CSN1S1: variants seen among roughly 807,000 people sequenced by gnomAD.
CSN1S1 encodes the protein alpha-S1-casein.
In CSN1S1, 63 loss-of-function variants were observed where a neutral mutation model predicts 49.1. The observed-to-expected ratio is 1.28, with a 90% CI of 1.05 to 1.58. CSN1S1 has a LOEUF of 1.58. Among genes scored for constraint, CSN1S1 ranks in the 40% most tolerant of loss-of-function variants. The pLI is 0.00. For missense variants in CSN1S1, 260 were observed against 224.7 expected (o/e 1.16, Z -1.01); for synonymous variants, 78 against 67.1 (o/e 1.16, Z -0.79).
rs1393251012 is a variant in CSN1S1, at chr4:69,944,889, G to A, written c.442G>A (p.Ala148Thr). The change falls in exon 15 of 16, where the codon GCT becomes ACT. Residue 148 changes from alanine (A) to threonine (T), a missense_variant. Physicochemically the swap from Ala to Thr is moderately conservative, Grantham distance 58. Coordinates refer to ENST00000246891, the MANE Select transcript of CSN1S1 (RefSeq NM_001890.2). ...QLNQLAAYPY[A>T]VWYYPQIMQY... ...CAACCAACTTGCTGCCTACCCCTAT[G>A]CTGTTTGGTACTATCCACAAATCAT... 12 of 1,612,736 alleles carry A rather than the reference G, an allele frequency of 7.4e-6. No individual in the cohort carries two copies. In the South Asian group the frequency reaches 1.3e-4, roughly 18 times the overall value.
In CSN1S1 at chr4:69,946,147, T is replaced by G. The variant is rs116406304; in HGVS notation, c.*-49T>G. On this transcript the variant is annotated intron_variant, in intron 15 of 15. Coordinates refer to ENST00000246891, the MANE Select transcript of CSN1S1 (RefSeq NM_001890.2). ...TCTACCATAAGAGCTTTTCTTTTCT[T>G]CAAAAATATTTAATATAACTCACCA... The G allele has an allele frequency of 6.3e-3, 2,984 of 477,230 alleles. 86 individuals carry two copies. The highest frequency in any genetic ancestry group is 0.055 in the African/African-American group (2,759 of 50,174). The allele number at this position is 477,230 out of a possible 1,614,324, so 29.6% of individuals were successfully genotyped here.
rs185733383 is a variant in CSN1S1, at chr4:69,939,480, C to T, written c.276+272C>T. Among the ~76,000 whole-genome samples, 395 of 151,794 alleles carry T rather than the reference C, an allele frequency of 2.6e-3. 1 individual carries two copies. Among genetic ancestry groups the T allele is most frequent in the African/African-American group, 8.9e-3 (371 of 41,486 alleles). On this transcript the variant is annotated intron_variant, in intron 10 of 15. Coordinates refer to ENST00000246891, the MANE Select transcript of CSN1S1 (RefSeq NM_001890.2). ...TTTTTTAACCAATTACTTTGTCCTT[C>T]GCAGATTTTGTTAAAACTCAATCTT... is the stretch of plus-strand genomic sequence containing the variant.
chr4:69,938,223 G>T (rs1031576417), intron 9 of CSN1S1, among the ~76,000 whole-genome samples: 1 of 151,700 alleles, frequency 6.6e-6, no homozygotes, highest in South Asian at 2.1e-4. Context: ...TTAGATACAA[G>T]TGCATGTATG....
At position 69,933,124 on chromosome 4, in the gene CSN1S1, GC is replaced by G. The variant is rs556702552; in HGVS notation, c.51+519del. Among the ~76,000 whole-genome samples, 523 of 151,978 alleles carry G rather than the reference GC, an allele frequency of 3.4e-3. 2 individuals are homozygous for G. Among genetic ancestry groups the G allele is most frequent in the Middle Eastern group, 0.014 (4 of 294 alleles). ...AGGGATAGAAAACTAGGGTGATTCA[GC>G]TAATTGAGTGATCAATTTATTGTGG... On this transcript the variant is annotated intron_variant, in intron 2 of 15. Transcript: ENST00000246891.
At chr4:69,934,122 C>A in intron 2 of CSN1S1, 90 bp from the exon 3 acceptor site, 1 of 989,034 alleles carries the variant, frequency 1.0e-6, no homozygotes, top group South Asian at 1.7e-5. Flanking sequence ...ATGGCAGTGT[C>A]AAAAATCATC....
rs140956727 is a variant in CSN1S1 at position 69,940,763 on chromosome 4, C to G, written c.301-256C>G. 2.2e-3 allele frequency among the ~76,000 whole-genome samples: 335 copies of G among 151,762 alleles called. 2 individuals are homozygous for G. Among genetic ancestry groups the G allele is most frequent in the African/African-American group, 7.7e-3 (319 of 41,500 alleles). ...TCTTAATAATTCTGATATATTGTAACTAAAATTGGCTGTACTAATTTATAT... is the reference window on the plus strand; with the variant it reads ...TCTTAATAATTCTGATATATTGTAAGTAAAATTGGCTGTACTAATTTATAT... On this transcript the variant is annotated intron_variant, in intron 11 of 15. Transcript: ENST00000246891.
intron 8 of CSN1S1, 89 bp from the exon 9 acceptor site, chr4:69,937,711 C>A: frequency 9.7e-7 from 1 of 1,027,100 alleles, no homozygotes; most frequent in Non-Finnish European, 1.4e-6. Flanking sequence ...TTTCTATTTT[C>A]TTTGACATCC....
chr4:69,942,649 C>T (rs1170233942), intron 14 of CSN1S1, 72 bp downstream of exon 14: 12 of 1,176,624 alleles, frequency 1.0e-5, no homozygotes, highest in African/African-American at 1.5e-5. Flanking sequence ...TCTTAAATAG[C>T]CCCCTACTCT....
intron 1 of CSN1S1, among the ~76,000 whole-genome samples, 187 bp from the exon 2 acceptor site, chr4:69,932,357 T>A (rs1722633881): frequency 6.6e-6 from 1 of 151,918 alleles, no homozygotes; most frequent in Non-Finnish European, 1.5e-5. Context: ...ATAACTAGAA[T>A]GGTAAACATT....
intron 15 of CSN1S1, among the ~76,000 whole-genome samples, chr4:69,945,622 A>G (rs555257072): frequency 2.6e-5 from 4 of 152,102 alleles, no homozygotes; most frequent in East Asian, 1.9e-4. Flanking sequence ...TGATTTTAAC[A>G]ATTTTCATTA....
intron 5 of CSN1S1, 82 bp downstream of exon 5, chr4:69,936,031 A>G (rs1722769155): frequency 9.4e-7 from 1 of 1,065,374 alleles, no homozygotes; most frequent in African/African-American, 1.6e-5. Flanking sequence ...AACAGTGCCT[A>G]AAACAAAGTG....
At chr4:69,936,642 G>T in intron 7 of CSN1S1, 35 bp downstream of exon 7, 1 of 1,564,972 alleles carries the variant, frequency 6.4e-7, no homozygotes, top group Non-Finnish European at 8.7e-7. Context: ...TATGGCAAAA[G>T]TATATATTCT....
At chr4:69,932,965 T>A (rs974437070) in intron 2 of CSN1S1, among the ~76,000 whole-genome samples, 1 of 151,996 alleles carries the variant, frequency 6.6e-6, no homozygotes, top group African/African-American at 2.4e-5. Flanking sequence ...CTCATATTTC[T>A]AAAAATGTAA....
intron 4 of CSN1S1, 123 bp downstream of exon 4, chr4:69,934,833 C>T: frequency 1.2e-6 from 1 of 805,460 alleles, no homozygotes; most frequent in Non-Finnish European, 2.0e-6. Flanking sequence ...CATCCAACAA[C>T]TCAAGTACCT....
chr4:69,943,163 ATATTATTAT>A (rs3078677), intron 14 of CSN1S1, among the ~76,000 whole-genome samples: 82,343 of 144,592 alleles, frequency 0.57, 25,046 homozygotes, highest in East Asian at 0.77. Context: ...TTCCATGTGA[ATATTATTAT>A]TATTATTATT....
At position 69,939,051 on chromosome 4, in the gene CSN1S1, TTC is replaced by T. The variant is rs1251466959; in HGVS notation, c.244-124_244-123del. On this transcript the variant is annotated intron_variant, in intron 9 of 15. Coordinates refer to ENST00000246891, the MANE Select transcript of CSN1S1 (RefSeq NM_001890.2). ...AATACAATGTAGTACGCCTGAATTT[TTC>T]CATACCACTTATTCAGTTATAATGT... 3 of 582,236 alleles carry T rather than the reference TTC, an allele frequency of 5.2e-6. No homozygotes were observed. The African/African-American group carries it at 5.7e-5, about 11-fold the overall frequency. The allele number at this position is 582,236 out of a possible 1,614,324, so 36.1% of individuals were successfully genotyped here. A position where few individuals can be genotyped will look rare whatever the true frequency, so the allele number is the denominator to read the frequency against.
intron 9 of CSN1S1, among the ~76,000 whole-genome samples, chr4:69,938,209 T>A (rs1405853961): frequency 6.6e-6 from 1 of 151,814 alleles, no homozygotes; most frequent in Non-Finnish European, 1.5e-5. Context: ...ATTACTTTTT[T>A]ATTTTAGATA....
intron 11 of CSN1S1, among the ~76,000 whole-genome samples, chr4:69,940,620 G>A (rs1722942572): frequency 6.6e-6 from 1 of 151,708 alleles, no homozygotes; most frequent in South Asian, 2.1e-4. Flanking sequence ...AGAGCAAACT[G>A]TCAATAAATG....
At chr4:69,932,917 A>C (rs1378149742) in intron 2 of CSN1S1, among the ~76,000 whole-genome samples, 1 of 152,024 alleles carries the variant, frequency 6.6e-6, no homozygotes, top group Non-Finnish European at 1.5e-5. Flanking sequence ...GCAACAAACA[A>C]TGTGATTAGG....
Sources: allele counts gnomAD v4.1 joint callset (sites outside exome capture counted in the v4.1 genomes callset), GRCh38; gene constraint gnomAD v4.1.1; transcripts MANE v1.5; gene names NCBI Gene and HGNC (gene_info 2026-07-23, HGNC 2026-07-21).